Variants in SLC16A9 observed in about 807,000 individuals in gnomAD.
SLC16A9 encodes monocarboxylate transporter 9.
A neutral mutation model predicts 44.3 loss-of-function variants in SLC16A9; 26 were observed. The ratio of observed to expected loss-of-function variants is 0.59; its 90% CI spans 0.43 to 0.81. The LOEUF (loss-of-function observed/expected upper bound fraction) is 0.81, where lower values mean the gene tolerates loss of function less well. SLC16A9 is among the 40% of genes least tolerant of loss of function. The probability of loss-of-function intolerance (pLI) is 0.00; values close to 1 mark genes in which losing one functional copy is unlikely to be tolerated. For synonymous variants in SLC16A9, 230 were observed against 225.1 expected (o/e 1.02, Z -0.19); for missense variants, 559 against 595.8 (o/e 0.94, Z 0.64).
At chr10:59,662,031 C>G (rs1295970231) in intron 4 of SLC16A9, among the ~76,000 whole-genome samples, 1 of 151,862 alleles carries the variant, frequency 6.6e-6, no homozygotes, top group Non-Finnish European at 1.5e-5. Context: ...CCATAAAAAC[C>G]CTAGAAGAAA....
intron 2 of SLC16A9, among the ~76,000 whole-genome samples, chr10:59,682,355 C>A (rs1165702374): frequency 6.6e-6 from 1 of 152,148 alleles, no homozygotes; most frequent in African/African-American, 2.4e-5. Flanking sequence ...AATTATGTAG[C>A]CAGTTCTGCC....
chr10:59,657,006 G>A (rs531924743), intron 4 of SLC16A9, among the ~76,000 whole-genome samples: 4 of 152,112 alleles, frequency 2.6e-5, no homozygotes, highest in Admixed American at 6.6e-5. Context: ...CTTCCCGAAA[G>A]GATCAGAGAG....
At chr10:59,662,361 G>C (rs574954520) in intron 4 of SLC16A9, among the ~76,000 whole-genome samples, 2 of 151,602 alleles carry the variant, frequency 1.3e-5, no homozygotes, top group East Asian at 3.9e-4. Context: ...ATCTGGCCAG[G>C]CACAGTGGCT....
chr10:59,691,883 T>C (rs1201304894), intron 1 of SLC16A9, among the ~76,000 whole-genome samples: 2 of 152,220 alleles, frequency 1.3e-5, no homozygotes, highest in African/African-American at 4.8e-5. Flanking sequence ...TTTCTATCCC[T>C]GAAATGTATA....
chr10:59,668,561 CTAGACAATTGGT>C (rs1839675477), intron 3 of SLC16A9, among the ~76,000 whole-genome samples: 1 of 152,192 alleles, frequency 6.6e-6, no homozygotes, highest in African/African-American at 2.4e-5. Context: ...ATTCCTCCAA[CTAGACAATTGGT>C]TGTGCGACTT....
At chr10:59,706,725 C>T (rs1046143833) in intron 1 of SLC16A9, among the ~76,000 whole-genome samples, 1 of 151,988 alleles carries the variant, frequency 6.6e-6, no homozygotes, top group Non-Finnish European at 1.5e-5. Context: ...GTAATCCCAG[C>T]ACTTTGGGAG....
chr10:59,698,570 G>A (rs1250169866), intron 1 of SLC16A9, among the ~76,000 whole-genome samples: 2 of 152,110 alleles, frequency 1.3e-5, no homozygotes, highest in East Asian at 3.9e-4. Flanking sequence ...GCCAAGCACA[G>A]GTTCAACCAC....
chr10:59,671,323 T>C (rs1839744894), intron 3 of SLC16A9, among the ~76,000 whole-genome samples: 1 of 152,170 alleles, frequency 6.6e-6, no homozygotes, highest in Non-Finnish European at 1.5e-5. Flanking sequence ...GCAACAAACA[T>C]GATGACAAGT....
intron 3 of SLC16A9, among the ~76,000 whole-genome samples, chr10:59,671,627 T>A (rs1297044166): frequency 6.6e-6 from 1 of 152,086 alleles, no homozygotes; most frequent in Non-Finnish European, 1.5e-5. Flanking sequence ...GACAAAGCAA[T>A]AAGAGGTATC....
At chr10:59,657,045 A>G (rs1163978721) in intron 4 of SLC16A9, among the ~76,000 whole-genome samples, 1 of 152,194 alleles carries the variant, frequency 6.6e-6, no homozygotes, top group Admixed American at 6.5e-5. Context: ...AGGGTGTACA[A>G]TCTCTGTCCC....
intron 2 of SLC16A9, among the ~76,000 whole-genome samples, chr10:59,675,885 C>T (rs1231437845): frequency 6.6e-6 from 1 of 152,236 alleles, no homozygotes; most frequent in Non-Finnish European, 1.5e-5. Context: ...TCTCAAGTTG[C>T]CCACATGGCC....
intron 4 of SLC16A9, among the ~76,000 whole-genome samples, chr10:59,660,724 C>T (rs1057191662): frequency 6.6e-6 from 1 of 152,160 alleles, no homozygotes; most frequent in African/African-American, 2.4e-5. Flanking sequence ...AGGCTAATAT[C>T]CCTGATAAAC....
At chr10:59,689,864 A>G (rs1305264322) in intron 1 of SLC16A9, among the ~76,000 whole-genome samples, 1 of 152,212 alleles carries the variant, frequency 6.6e-6, no homozygotes, top group African/African-American at 2.4e-5. Flanking sequence ...TGCCATATCT[A>G]TTTTTATGAA....
At chr10:59,677,828 T>TTGA (rs2132467881) in intron 2 of SLC16A9, among the ~76,000 whole-genome samples, 1 of 152,260 alleles carries the variant, frequency 6.6e-6, no homozygotes, top group East Asian at 1.9e-4. Flanking sequence ...CTTTAGGAAA[T>TTGA]AAACTCAACC....
chr10:59,661,502 A>G (rs1839474090), intron 4 of SLC16A9, among the ~76,000 whole-genome samples: 1 of 152,224 alleles, frequency 6.6e-6, no homozygotes, highest in South Asian at 2.1e-4. Context: ...AAGAGAGTAC[A>G]CAAACAAATG....
chr10:59,672,622 G>T, intron 3 of SLC16A9, 148 bp downstream of exon 3: 3 of 808,448 alleles, frequency 3.7e-6, no homozygotes, highest in Non-Finnish European at 5.6e-6. Context: ...TTTCACTAAA[G>T]CAACAGTTTT....
intron 1 of SLC16A9, among the ~76,000 whole-genome samples, chr10:59,696,064 GCCCTCTCCCCTCTC>G (rs549409114): frequency 2.4e-4 from 37 of 151,864 alleles, no homozygotes; most frequent in Admixed American, 1.3e-3. Flanking sequence ...GATTTTTAAA[GCCCTCTCCCCTCTC>G]CCCTCTCCCC....
intron 4 of SLC16A9, among the ~76,000 whole-genome samples, chr10:59,657,549 T>A (rs1028748072): frequency 4.6e-5 from 7 of 152,206 alleles, no homozygotes; most frequent in African/African-American, 1.7e-4. Context: ...CTCCTTTAAA[T>A]CTTGACTGCC....
At chr10:59,664,881 G>A (rs1050677045) in intron 3 of SLC16A9, among the ~76,000 whole-genome samples, 4 of 152,132 alleles carry the variant, frequency 2.6e-5, no homozygotes, top group Non-Finnish European at 4.4e-5. Flanking sequence ...TTTTAGAGGT[G>A]CATATTACCT....
Sources: gnomAD v4.1 joint callset for allele counts (sites outside exome capture counted in the v4.1 genomes callset) on GRCh38, gnomAD v4.1.1 for gene constraint, MANE v1.5 for transcripts, NCBI Gene and HGNC (gene_info 2026-07-23, HGNC 2026-07-21) for gene names.